LMO7: variants seen among roughly 807,000 people sequenced by gnomAD.
The protein encoded by LMO7 is LIM domain 7.
LMO7 carries 120 observed loss-of-function variants against 206.5 expected under a neutral mutation model. The observed-to-expected ratio is 0.58, with a 90% CI of 0.50 to 0.68. The LOEUF is 0.68. LMO7 is among the 30% of genes least tolerant of loss of function. The pLI, the probability that LMO7 is intolerant of heterozygous loss-of-function variation, is 0.00. For synonymous variants in LMO7, 706 were observed against 681.5 expected (o/e 1.04, Z -0.56); for missense variants, 1,959 against 1,957.9 (o/e 1.00, Z -0.01).
chr13:75,816,052 A>G (rs2056952844), intron 11 of LMO7, among the ~76,000 whole-genome samples: 2 of 152,210 alleles, frequency 1.3e-5, no homozygotes, highest in African/African-American at 2.4e-5. Context: ...CCATGCAGAA[A>G]GATTTATTCA....
intron 1 of LMO7, among the ~76,000 whole-genome samples, chr13:75,675,181 GTTC>G (rs1205996570): frequency 5.9e-5 from 9 of 151,368 alleles, no homozygotes; most frequent in South Asian, 2.1e-4. Flanking sequence ...GCTTCAAGCA[GTTC>G]TTCTACCTCA....
intron 4 of LMO7, among the ~76,000 whole-genome samples, chr13:75,775,897 CAG>C (rs1219721434): frequency 6.6e-6 from 1 of 151,556 alleles, no homozygotes; most frequent in African/African-American, 2.4e-5. Context: ...CTATGGAAAA[CAG>C]TGTGGAGATT....
chr13:75,838,885 CTG>C (rs1353272815), intron 20 of LMO7, among the ~76,000 whole-genome samples: 7 of 152,150 alleles, frequency 4.6e-5, no homozygotes, highest in African/African-American at 1.7e-4. Context: ...CGTTCAAGCT[CTG>C]TTTTGCTACT....
At chr13:75,772,912 G>A (rs948122621) in intron 4 of LMO7, among the ~76,000 whole-genome samples, 1 of 152,032 alleles carries the variant, frequency 6.6e-6, no homozygotes, top group African/African-American at 2.4e-5. Flanking sequence ...CTGGGGCAGG[G>A]CTGGGATTCT....
At chr13:75,769,231 AG>A (rs2049310624) in intron 4 of LMO7, among the ~76,000 whole-genome samples, 1 of 152,024 alleles carries the variant, frequency 6.6e-6, no homozygotes, top group Non-Finnish European at 1.5e-5. Flanking sequence ...GTTATGTTTT[AG>A]GGGTAATTGC....
chr13:75,727,046 A>T lies in LMO7; in HGVS notation c.158A>T (p.Lys53Ile). ...ACTTTCAGTTTGATTAATAAGCTTA[A>T]ACCTGGCGTCATTAAGAAGATCAAT... ...VLLCDLINKLKPGVIKKINRL... is the reference protein window; with the variant it reads ...VLLCDLINKLIPGVIKKINRL... Residue 53 changes from lysine (K) to isoleucine (I), a missense_variant, in exon 3 of 31, where the codon AAA becomes ATA. Coordinates refer to ENST00000377534, the MANE Select transcript of LMO7 (RefSeq NM_001306080.2). 6.3e-7 allele frequency: 1 copy of T among 1,586,884 alleles called. No homozygotes were observed. The highest frequency in any genetic ancestry group is 8.6e-7 in the Non-Finnish European group (1 of 1,156,096).
intron 6 of LMO7, among the ~76,000 whole-genome samples, chr13:75,797,675 CATG>C (rs1379331680): frequency 6.6e-6 from 1 of 152,162 alleles, no homozygotes; most frequent in African/African-American, 2.4e-5. Context: ...CCAGGATGAA[CATG>C]ATAACCTTGG....
intron 1 of LMO7, among the ~76,000 whole-genome samples, chr13:75,682,656 TGAG>T (rs1481960824): frequency 1.3e-5 from 2 of 152,208 alleles, no homozygotes; most frequent in Non-Finnish European, 2.9e-5. Flanking sequence ...CAAAATCGCC[TGAG>T]AATACACTTC....
chr13:75,764,960 G>A (rs1426310459), intron 4 of LMO7, among the ~76,000 whole-genome samples: 1 of 152,090 alleles, frequency 6.6e-6, no homozygotes, highest in Non-Finnish European at 1.5e-5. Flanking sequence ...TAAAATGAAA[G>A]TACAGATATT....
At chr13:75,670,910 A>G (rs572525979) in intron 1 of LMO7, among the ~76,000 whole-genome samples, 4 of 149,198 alleles carry the variant, frequency 2.7e-5, no homozygotes, top group East Asian at 3.9e-4. Context: ...AGCTGTACAA[A>G]AATATTTTCT....
chr13:75,833,563 T>A (rs2058863088), intron 16 of LMO7, among the ~76,000 whole-genome samples: 1 of 152,110 alleles, frequency 6.6e-6, no homozygotes, highest in Non-Finnish European at 1.5e-5. Flanking sequence ...AATATACCTA[T>A]TGCCCATGAA....
At chr13:75,763,503 G>A (rs1367124598) in intron 4 of LMO7, among the ~76,000 whole-genome samples, 1 of 152,100 alleles carries the variant, frequency 6.6e-6, no homozygotes, top group Non-Finnish European at 1.5e-5. Flanking sequence ...TAAATGGGAA[G>A]GTGCATTGTA....
chr13:75,844,273 TATG>T (rs2059793729), intron 25 of LMO7, among the ~76,000 whole-genome samples: 1 of 151,954 alleles, frequency 6.6e-6, no homozygotes, highest in African/African-American at 2.4e-5. Flanking sequence ...GTCTACCACT[TATG>T]ATACATTATG....
chr13:75,682,652 C>T (rs994545528), intron 1 of LMO7, among the ~76,000 whole-genome samples: 4 of 152,130 alleles, frequency 2.6e-5, no homozygotes, highest in East Asian at 1.9e-4. Flanking sequence ...TTTACAAAAT[C>T]GCCTGAGAAT....
In LMO7 at chr13:75,699,888, G is replaced by T. The variant is rs1021809932; in HGVS notation, c.70-13294G>T. ...AGCCTGGGGGCGCTGCAGGAGACCAGGGCGTATTTTATCCCTTATCTTCAA... is the reference window on the plus strand; with the variant it reads ...AGCCTGGGGGCGCTGCAGGAGACCATGGCGTATTTTATCCCTTATCTTCAA... On this transcript the variant is annotated intron_variant, in intron 1 of 30. Transcript: ENST00000377534. Among the ~76,000 whole-genome samples the T allele has an allele frequency of 2.6e-5, 4 of 152,224 alleles. No individual in the cohort carries two copies. The Middle Eastern group carries it at 9.5e-3, about 361-fold the overall frequency.
chr13:75,660,713 C>A (rs540150983), intron 1 of LMO7, among the ~76,000 whole-genome samples: 22 of 152,256 alleles, frequency 1.4e-4, no homozygotes, highest in African/African-American at 5.3e-4. Flanking sequence ...TAGAGTAGGC[C>A]ATCTACTGTG....
At position 75,857,915 on chromosome 13, in the gene LMO7, G is replaced by A. The variant is rs17065160; in HGVS notation, c.4874-6G>A. ...ACTTTTCTTTCTTTTCTCCTTGCCC[G>A]ATCAGCTGGACGGCCAACCGCCATG... is the stretch of plus-strand genomic sequence containing the variant. On this transcript the variant is annotated splice_polypyrimidine_tract_variant and splice_region_variant and intron_variant, in intron 30 of 30. Coordinates refer to ENST00000377534, the MANE Select transcript of LMO7 (RefSeq NM_001306080.2). 2.9e-3 allele frequency: 4,549 copies of A among 1,590,856 alleles called. 79 individuals carry two copies. The East Asian group carries it at 0.031, about 11-fold the overall frequency.
chr13:75,708,749 C>G (rs73225954), intron 1 of LMO7, among the ~76,000 whole-genome samples: 1 of 152,138 alleles, frequency 6.6e-6, no homozygotes, highest in African/African-American at 2.4e-5. Context: ...ATATGCCATT[C>G]TCTTTGGGTA....
At chr13:75,709,649 G>GT (rs1320248726) in intron 1 of LMO7, among the ~76,000 whole-genome samples, 3 of 151,782 alleles carry the variant, frequency 2.0e-5, no homozygotes, top group Non-Finnish European at 2.9e-5. Context: ...GGGGCTGTTT[G>GT]TTTTTTTTCT....
Sources: allele counts gnomAD v4.1 joint callset (sites outside exome capture counted in the v4.1 genomes callset), GRCh38; gene constraint gnomAD v4.1.1; transcripts MANE v1.5; gene names NCBI Gene and HGNC (gene_info 2026-07-23, HGNC 2026-07-21).